Variants in IRAG1 observed in about 807,000 individuals in gnomAD.
IRAG1 encodes the protein inositol 1,4,5-triphosphate receptor associated 1.
IRAG1 carries 62 observed loss-of-function variants against 106.2 expected under a neutral mutation model. The observed-to-expected ratio is 0.58, with a 90% confidence interval of 0.48 to 0.72. The LOEUF (loss-of-function observed/expected upper bound fraction) is 0.72. Ranked by LOEUF, IRAG1 falls within the 30% of genes least tolerant of loss-of-function variation. The pLI is 0.00. For missense variants in IRAG1, 1,064 were observed against 1,140.7 expected, an observed-to-expected ratio of 0.93 and a Z score of 0.97; for synonymous variants, 462 against 443.9, an observed-to-expected ratio of 1.04 and a Z score of -0.51.
At position 10,576,227 on chromosome 11, in the gene IRAG1, T is replaced by C. The variant is rs1413128148; in HGVS notation, c.*105A>G. On this transcript the variant is annotated 3_prime_UTR_variant, in exon 21 of 21. Transcript: ENST00000423302. ...AAAAGAACCCTTCCTCATGACCTGA[T>C]GGGATGGGCGGCAGTGTGTCCACAC... is the stretch of plus-strand genomic sequence containing the variant. The C allele has an allele frequency of 1.1e-5, 16 of 1,453,102 alleles. No homozygotes were observed. In the East Asian group the frequency reaches 2.1e-4, roughly 19 times the overall value. 90.0% of individuals were successfully genotyped at this position (1,453,102 alleles called of 1,614,324 possible). A position where few individuals can be genotyped will look rare whatever the true frequency, so the allele number is the denominator to read the frequency against.
chr11:10,633,343 A>T lies in IRAG1; in HGVS notation c.329+625T>A, dbSNP rs34714741. On this transcript the variant is annotated intron_variant, in intron 3 of 20. Transcript: ENST00000423302. ...ACCCGCCTTGGCCTCCCAAAGTGCT[A>T]GGATTACAGGCATGAGCCACTGCGC... Among the ~76,000 whole-genome samples the T allele has an allele frequency of 3.3e-5, 5 of 152,156 alleles. No individual in the cohort carries two copies. In the East Asian group the frequency reaches 7.7e-4, roughly 24 times the overall value.
intron 10 of IRAG1, among the ~76,000 whole-genome samples, chr11:10,623,379 C>G (rs1855985026): frequency 6.6e-6 from 1 of 152,178 alleles, no homozygotes; most frequent in Non-Finnish European, 1.5e-5. Flanking sequence ...CTGCAGCTAC[C>G]CAGCAGGGCA....
At chr11:10,614,161 A>C (rs560408768) in intron 10 of IRAG1, among the ~76,000 whole-genome samples, 5 of 152,028 alleles carry the variant, frequency 3.3e-5, no homozygotes, top group African/African-American at 1.2e-4. Context: ...CTCTCCCCTC[A>C]CCACTTCTGC....
At chr11:10,613,460 T>C (rs10840446) in intron 10 of IRAG1, among the ~76,000 whole-genome samples, 59,296 of 152,028 alleles carry the variant, frequency 0.39, 12,361 homozygotes, top group East Asian at 0.69. Flanking sequence ...TCAAATGTGA[T>C]AGAACTCAGG....
At chr11:10,648,562 C>G (rs4909944) in intron 2 of IRAG1, among the ~76,000 whole-genome samples, 41,619 of 151,986 alleles carry the variant, frequency 0.27, 6,959 homozygotes, top group East Asian at 0.78. Context: ...GGCAGTCTGT[C>G]ATTCTGTGGT....
intron 18 of IRAG1, among the ~76,000 whole-genome samples, chr11:10,585,759 G>C (rs1166841539): frequency 6.6e-6 from 1 of 152,014 alleles, no homozygotes; most frequent in Non-Finnish European, 1.5e-5. Flanking sequence ...CACCTAGGTG[G>C]GGTATTATCC....
chr11:10,628,522 C>T lies in IRAG1; in HGVS notation c.652+229G>A, dbSNP rs765196556. ...ACCCAGCCTTCCTGACCCTGGGGTA[C>T]ACCTGCCTCCCGACACAAGCCCAAG... On this transcript the variant is annotated intron_variant, in intron 6 of 20. Transcript: ENST00000423302. This position sits in a 1 kb window ranked among gnomAD's most constrained non-coding sequence, Gnocchi z 4.1. 3.3e-5 allele frequency among the ~76,000 whole-genome samples: 5 copies of T among 152,222 alleles called. No individual in the cohort carries two copies. Among genetic ancestry groups the T allele is most frequent in the Non-Finnish European group, 7.3e-5 (5 of 68,036 alleles).
chr11:10,655,066 A>G (rs1036356562), intron 1 of IRAG1, among the ~76,000 whole-genome samples: 3 of 152,142 alleles, frequency 2.0e-5, no homozygotes, highest in East Asian at 3.9e-4. Context: ...ACAGGGGTTG[A>G]GGGTAGCAAA....
chr11:10,649,846 A>G (rs1250208807), intron 2 of IRAG1, among the ~76,000 whole-genome samples: 2 of 152,166 alleles, frequency 1.3e-5, no homozygotes, highest in Admixed American at 1.3e-4. Flanking sequence ...TCTCCCTGTG[A>G]CCCTGAGCCA....
intron 1 of IRAG1, 93 bp downstream of exon 1, chr11:10,693,443 C>A: frequency 6.7e-7 from 1 of 1,497,676 alleles, no homozygotes; most frequent in South Asian, 1.3e-5. Context: ...TTTAGCACCC[C>A]CATCCCAGCA....
intron 2 of IRAG1, among the ~76,000 whole-genome samples, chr11:10,649,292 G>A (rs1015766962): frequency 6.6e-6 from 1 of 152,198 alleles, no homozygotes; most frequent in Non-Finnish European, 1.5e-5. Flanking sequence ...TAAGGGAAGA[G>A]GGTAAAAGAA....
intron 1 of IRAG1, 56 bp from the exon 2 acceptor site, chr11:10,652,238 G>C: frequency 6.3e-7 from 1 of 1,596,474 alleles, no homozygotes; most frequent in Non-Finnish European, 8.6e-7. Context: ...TCCCAAGCTG[G>C]GTTCCATTTC....
In IRAG1 at chr11:10,575,689, C is replaced by T. The variant is rs1276677600; in HGVS notation, c.*643G>A. On this transcript the variant is annotated 3_prime_UTR_variant, in exon 21 of 21. Transcript: ENST00000423302. ...GTATGTGTGTATGTGTGGACAGATG[C>T]GTATATAATAATTCATATCTTCCCA... 3.8e-5 allele frequency: 6 copies of T among 156,406 alleles called. No individual in the cohort carries two copies. The highest frequency in any genetic ancestry group is 6.0e-5 in the Admixed American group (1 of 16,612). 9.7% of individuals were successfully genotyped at this position (156,406 alleles called of 1,614,324 possible).
intron 1 of IRAG1, among the ~76,000 whole-genome samples, chr11:10,692,145 A>G (rs1426467742): frequency 1.3e-5 from 2 of 152,152 alleles, no homozygotes; most frequent in African/African-American, 2.4e-5. Flanking sequence ...CCAAGCATAA[A>G]GATAGGTGCA....
intron 1 of IRAG1, among the ~76,000 whole-genome samples, chr11:10,692,112 A>G (rs1273902225): frequency 6.6e-6 from 1 of 152,152 alleles, no homozygotes; most frequent in Non-Finnish European, 1.5e-5. Context: ...ATGATAAAGG[A>G]TACAGGAATG....
chr11:10,594,208 G>A lies in IRAG1; in HGVS notation c.2018-13C>T, dbSNP rs1333222463. On this transcript the variant is annotated splice_polypyrimidine_tract_variant and intron_variant, in intron 15 of 20. Coordinates refer to ENST00000423302, the MANE Select transcript of IRAG1 (RefSeq NM_130385.4). ...GGGACCCCATCTTCTGCAGCAGGAGGGAGCAGAGAAGAGAACACAGGTAAG... is the reference window on the plus strand; with the variant it reads ...GGGACCCCATCTTCTGCAGCAGGAGAGAGCAGAGAAGAGAACACAGGTAAG... The A allele has an allele frequency of 2.5e-6, 4 of 1,607,232 alleles. No individual in the cohort carries two copies. The highest frequency in any genetic ancestry group is 2.7e-5 in the African/African-American group (2 of 74,778).
At chr11:10,687,337 T>A (rs573054461) in intron 1 of IRAG1, among the ~76,000 whole-genome samples, 89 of 152,326 alleles carry the variant, frequency 5.8e-4, no homozygotes, top group African/African-American at 2.1e-3. Flanking sequence ...CCTGCATGAA[T>A]AGCTCAGCCC....
At chr11:10,674,354 C>T (rs1391557238) in intron 1 of IRAG1, among the ~76,000 whole-genome samples, 2 of 152,170 alleles carry the variant, frequency 1.3e-5, no homozygotes, top group Non-Finnish European at 2.9e-5. Context: ...GTTCTGCTAG[C>T]AAAGACATTC....
intron 11 of IRAG1, among the ~76,000 whole-genome samples, chr11:10,609,197 C>T (rs1382768759): frequency 6.6e-6 from 1 of 152,130 alleles, no homozygotes; most frequent in Non-Finnish European, 1.5e-5. Context: ...TACCCAATGC[C>T]CCACTCTCAT....
Sources: allele counts gnomAD v4.1 joint callset (sites outside exome capture counted in the v4.1 genomes callset), GRCh38; gene constraint gnomAD v4.1.1; non-coding constraint Gnocchi (gnomAD v3.1); transcripts MANE v1.5; gene names NCBI Gene and HGNC (gene_info 2026-07-23, HGNC 2026-07-21).